USP12: variants seen among roughly 807,000 people sequenced by gnomAD.
USP12 encodes ubiquitin specific peptidase 12, also known as ubiquitin carboxyl-terminal hydrolase 12.
In USP12, 19 loss-of-function variants were observed where a neutral mutation model predicts 45.5. That is an observed-to-expected ratio of 0.42 (90% CI 0.29 to 0.61). The LOEUF (loss-of-function observed/expected upper bound fraction) is 0.61. USP12 is among the 20% of genes least tolerant of loss of function. The probability of loss-of-function intolerance (pLI) is 0.22; values close to 1 mark genes in which losing one functional copy is unlikely to be tolerated. For missense variants in USP12, 242 were observed against 447.7 expected (o/e 0.54, Z 4.15); for synonymous variants, 149 against 148.8 (o/e 1.00, Z -0.01).
intron 6 of USP12, among the ~76,000 whole-genome samples, chr13:27,076,083 C>T (rs1243113736): frequency 6.8e-6 from 1 of 148,132 alleles, no homozygotes; most frequent in African/African-American, 2.5e-5. Flanking sequence ...TTGAAACTGA[C>T]AATTCCTTTG....
intron 6 of USP12, among the ~76,000 whole-genome samples, chr13:27,076,435 T>C (rs998234031): frequency 1.3e-5 from 2 of 152,190 alleles, no homozygotes; most frequent in Non-Finnish European, 2.9e-5. Flanking sequence ...AGCTCAAATG[T>C]CACACCCTCT....
At chr13:27,170,998 G>C (rs1372781324) in intron 1 of USP12, among the ~76,000 whole-genome samples, 1 of 152,178 alleles carries the variant, frequency 6.6e-6, no homozygotes, top group African/African-American at 2.4e-5. Flanking sequence ...AGCCAGCGGC[G>C]CGAGGAAATC....
chr13:27,074,348 C>A (rs1020457007), intron 7 of USP12, among the ~76,000 whole-genome samples: 8 of 151,582 alleles, frequency 5.3e-5, no homozygotes, highest in Non-Finnish European at 1.0e-4. Flanking sequence ...TGCACTGAGC[C>A]GAGATGGCGC....
intron 1 of USP12, among the ~76,000 whole-genome samples, chr13:27,132,400 C>T (rs1456151994): frequency 6.6e-6 from 1 of 151,810 alleles, no homozygotes; most frequent in Non-Finnish European, 1.5e-5. Context: ...CATAAAATAT[C>T]ATTCCAATAA....
chr13:27,146,024 A>T (rs1192432590), intron 1 of USP12, among the ~76,000 whole-genome samples: 1 of 152,206 alleles, frequency 6.6e-6, no homozygotes, highest in Non-Finnish European at 1.5e-5. Context: ...GGTGACTTTC[A>T]GTTTCTTCTT....
At chr13:27,164,403 A>G (rs1383221661) in intron 1 of USP12, among the ~76,000 whole-genome samples, 1 of 152,200 alleles carries the variant, frequency 6.6e-6, no homozygotes, top group Non-Finnish European at 1.5e-5. Flanking sequence ...TCTCTTCTTT[A>G]GACATAACAT....
In USP12 at chr13:27,106,819, T is replaced by C. The variant is rs116288082; in HGVS notation, c.130-875A>G. Among the ~76,000 whole-genome samples, 274 of 152,148 alleles carry C rather than the reference T, an allele frequency of 1.8e-3. 2 individuals carry two copies. The highest frequency in any genetic ancestry group is 6.3e-3 in the African/African-American group (263 of 41,542). ...ATGAGACTTCTCTGAAAGAATGTTG[T>C]TATAAAACATTTACTTTGTACCCCC... On this transcript the variant is annotated intron_variant, in intron 2 of 8. Coordinates refer to ENST00000282344, the MANE Select transcript of USP12 (RefSeq NM_182488.4).
chr13:27,155,431 TTG>T (rs1877791850), intron 1 of USP12, among the ~76,000 whole-genome samples: 1 of 152,118 alleles, frequency 6.6e-6, no homozygotes, highest in Non-Finnish European at 1.5e-5. Context: ...GCCACTAAAC[TTG>T]TGGTAATATG....
intron 1 of USP12, among the ~76,000 whole-genome samples, chr13:27,148,941 T>A (rs1447572761): frequency 6.6e-6 from 1 of 151,974 alleles, no homozygotes; most frequent in Non-Finnish European, 1.5e-5. Flanking sequence ...TCCCAATGCT[T>A]TGGGACACTG....
chr13:27,101,036 TC>T (rs1399123468), intron 3 of USP12, among the ~76,000 whole-genome samples: 1 of 152,250 alleles, frequency 6.6e-6, no homozygotes, highest in Non-Finnish European at 1.5e-5. Flanking sequence ...AAAATGTACA[TC>T]TTTTTCTGGA....
At chr13:27,155,967 A>G (rs1877820466) in intron 1 of USP12, among the ~76,000 whole-genome samples, 1 of 152,196 alleles carries the variant, frequency 6.6e-6, no homozygotes, top group Admixed American at 6.5e-5. Flanking sequence ...TTTTAAAAAT[A>G]TTTCTTAAAA....
At chr13:27,110,625 A>G (rs1395009119) in intron 2 of USP12, among the ~76,000 whole-genome samples, 2 of 152,214 alleles carry the variant, frequency 1.3e-5, no homozygotes, top group Non-Finnish European at 2.9e-5. Context: ...GCTTAAGCTT[A>G]AGAGGTATGT....
At chr13:27,151,208 G>GT (rs1475971507) in intron 1 of USP12, among the ~76,000 whole-genome samples, 1 of 151,924 alleles carries the variant, frequency 6.6e-6, no homozygotes, top group Non-Finnish European at 1.5e-5. Context: ...GCGCGCAATT[G>GT]TAATCCCAGC....
chr13:27,159,200 T>G lies in USP12; in HGVS notation c.48+12392A>C, dbSNP rs185182301. On this transcript the variant is annotated intron_variant, in intron 1 of 8. Coordinates refer to ENST00000282344, the MANE Select transcript of USP12 (RefSeq NM_182488.4). ...TCTAAGGTAATCAGATATCACATTT[T>G]TCTTTAAGAGTATATACAGTTAAAC... 3.1e-3 allele frequency among the ~76,000 whole-genome samples: 475 copies of G among 152,342 alleles called. 6 individuals carry two copies. Among genetic ancestry groups the G allele is most frequent in the African/African-American group, 0.011 (437 of 41,574 alleles).
At chr13:27,104,961 T>C (rs936857000) in intron 3 of USP12, among the ~76,000 whole-genome samples, 1 of 152,216 alleles carries the variant, frequency 6.6e-6, no homozygotes, top group African/African-American at 2.4e-5. Context: ...TCCATTTGAA[T>C]TTTTGAGGCA....
chr13:27,075,847 T>C (rs576385199), intron 6 of USP12, among the ~76,000 whole-genome samples: 2 of 152,072 alleles, frequency 1.3e-5, no homozygotes, highest in South Asian at 2.1e-4. Flanking sequence ...CTGGCTAACA[T>C]GGTGAAACCC....
intron 1 of USP12, among the ~76,000 whole-genome samples, chr13:27,128,400 G>A (rs183094991): frequency 1.1e-4 from 16 of 152,108 alleles, no homozygotes; most frequent in African/African-American, 1.9e-4. Flanking sequence ...TTGAGTGCAC[G>A]ATGAAACTTT....
intron 3 of USP12, among the ~76,000 whole-genome samples, 177 bp downstream of exon 3, chr13:27,105,554 G>GT (rs1170344187): frequency 2.6e-5 from 4 of 152,144 alleles, no homozygotes; most frequent in Admixed American, 1.3e-4. Flanking sequence ...ATTAATTACT[G>GT]TAAGACTATC....
At chr13:27,103,835 A>C (rs2137784479) in intron 3 of USP12, among the ~76,000 whole-genome samples, 1 of 152,062 alleles carries the variant, frequency 6.6e-6, no homozygotes, top group Non-Finnish European at 1.5e-5. Context: ...GAACACTGTA[A>C]AAATACCCCA....
Sources: gnomAD v4.1 joint callset for allele counts (sites outside exome capture counted in the v4.1 genomes callset) on GRCh38, gnomAD v4.1.1 for gene constraint, MANE v1.5 for transcripts, NCBI Gene and HGNC (gene_info 2026-07-23, HGNC 2026-07-21) for gene names.